The following XXYLT1 variants were observed in gnomAD, a reference collection of about 807,000 sequenced individuals.
XXYLT1 encodes the protein xyloside xylosyltransferase 1, also known as UDP-xylose:alpha-xyloside alpha-1,3-xylosyltransferase.
In XXYLT1, 20 loss-of-function variants were observed where a neutral mutation model predicts 28.9. The observed-to-expected ratio is 0.69, with a 90% CI of 0.49 to 1.00. The LOEUF (loss-of-function observed/expected upper bound fraction) is 1.00. Among genes scored for constraint, XXYLT1 ranks in the 50% least tolerant of loss-of-function variants. The pLI, the probability that XXYLT1 is intolerant of heterozygous loss-of-function variation, is 0.00. For synonymous variants in XXYLT1, 257 were observed against 253.8 expected (o/e 1.01, Z -0.12); for missense variants, 542 against 560.1 (o/e 0.97, Z 0.33).
chr3:195,141,283 C>T lies in XXYLT1; in HGVS notation c.785+15166G>A, dbSNP rs144043303. On this transcript the variant is annotated intron_variant, in intron 3 of 3. Coordinates refer to ENST00000310380, the MANE Select transcript of XXYLT1 (RefSeq NM_152531.5). ...AGCCAAATTCCAGTGCAAGAATAGTCCAACACTCCCCTTCCGGCTCTAACA... is the reference window on the plus strand; with the variant it reads ...AGCCAAATTCCAGTGCAAGAATAGTTCAACACTCCCCTTCCGGCTCTAACA... 3.8e-3 allele frequency among the ~76,000 whole-genome samples: 572 copies of T among 152,294 alleles called. 4 individuals are homozygous for T. Among genetic ancestry groups the T allele is most frequent in the African/African-American group, 0.013 (558 of 41,548 alleles).
chr3:195,097,574 T>C (rs1337649920), intron 3 of XXYLT1, among the ~76,000 whole-genome samples: 1 of 152,148 alleles, frequency 6.6e-6, no homozygotes, highest in African/African-American at 2.4e-5. Flanking sequence ...TTACAAGGGT[T>C]AAGGAATTGA....
intron 1 of XXYLT1, among the ~76,000 whole-genome samples, chr3:195,267,917 T>C (rs931448910): frequency 1.2e-4 from 18 of 152,130 alleles, no homozygotes; most frequent in Non-Finnish European, 2.1e-4. Context: ...AAGCAAACCT[T>C]TTAGAATCGC....
chr3:195,100,937 G>A (rs892240818), intron 3 of XXYLT1, among the ~76,000 whole-genome samples: 1 of 152,236 alleles, frequency 6.6e-6, no homozygotes, highest in African/African-American at 2.4e-5. Context: ...TTACTGAAGC[G>A]AACTAGTCTA....
intron 2 of XXYLT1, among the ~76,000 whole-genome samples, chr3:195,169,091 G>GT (rs1275587763): frequency 6.6e-6 from 1 of 152,260 alleles, no homozygotes; most frequent in Non-Finnish European, 1.5e-5. Context: ...GGCGAATGCA[G>GT]TAAGACGGTG....
At chr3:195,107,303 G>A (rs1717155369) in intron 3 of XXYLT1, among the ~76,000 whole-genome samples, 1 of 151,102 alleles carries the variant, frequency 6.6e-6, no homozygotes, top group African/African-American at 2.4e-5. Flanking sequence ...GCGAAACCTC[G>A]CCTCTACTAA....
chr3:195,270,913 G>C lies in XXYLT1; in HGVS notation c.146C>G (p.Ser49Cys). The change falls in exon 1 of 4, where the codon TCC becomes TGC. Residue 49 changes from serine to cysteine, a missense_variant. Physicochemically the swap from Ser to Cys is moderately radical, Grantham distance 112. Transcript: ENST00000310380. Reference protein sequence around the residue: ...YYLGSGRETFSSATKRLKEAR... With the variant: ...YYLGSGRETFCSATKRLKEAR... ...CTCCTTCAGCCTCTTGGTGGCGCTG[G>C]AGAAGGTCTCCCGGCCTGAGCCGAG... 2 of 1,482,584 alleles carry C rather than the reference G, an allele frequency of 1.3e-6. No homozygotes were observed. The highest frequency in any genetic ancestry group is 1.8e-6 in the Non-Finnish European group (2 of 1,118,610). The allele number at this position is 1,482,584 out of a possible 1,614,324, so 91.8% of individuals were successfully genotyped here.
chr3:195,229,532 C>T (rs965194635), intron 1 of XXYLT1, among the ~76,000 whole-genome samples: 1 of 152,210 alleles, frequency 6.6e-6, no homozygotes, highest in Admixed American at 6.5e-5. Flanking sequence ...CCTCCTCCCC[C>T]AACTCACTCC....
intron 1 of XXYLT1, among the ~76,000 whole-genome samples, chr3:195,252,360 A>C (rs1352598635): frequency 6.6e-6 from 1 of 152,196 alleles, no homozygotes; most frequent in Admixed American, 6.5e-5. Flanking sequence ...ATAGAGAAAA[A>C]TGTTAGCACC....
chr3:195,110,500 A>AT (rs1717577083), intron 3 of XXYLT1, among the ~76,000 whole-genome samples: 2 of 16,400 alleles, frequency 1.2e-4, no homozygotes, highest in African/African-American at 2.2e-4. Flanking sequence ...GTATGTGTGC[A>AT]TGGTGTGTGG....
rs552637822 is a variant in XXYLT1, at chr3:195,087,859, G to T, written c.786-17748C>A. Among the ~76,000 whole-genome samples, 832 of 152,040 alleles carry T rather than the reference G, an allele frequency of 5.5e-3. 5 individuals carry two copies. Among genetic ancestry groups the T allele is most frequent in the Non-Finnish European group, 8.1e-3 (548 of 68,010 alleles). On this transcript the variant is annotated intron_variant, in intron 3 of 3. Transcript: ENST00000310380. ...GCGAGCCGAAGCAGGGCGAGGCAAA[G>T]CCTCACTTGGGAAGCGCAAGGGGTC...
rs1724326382 is a variant in XXYLT1 at position 195,232,140 on chromosome 3, A to T, written c.505-5284T>A. ...GTTGTATGTGTCTAGAAACTTATCC[A>T]TTTCTTCTAGGTTTTCCAATTTATT... is the stretch of plus-strand genomic sequence containing the variant. On this transcript the variant is annotated intron_variant, in intron 1 of 3. Transcript: ENST00000310380. 2.0e-5 allele frequency among the ~76,000 whole-genome samples: 3 copies of T among 152,018 alleles called. No homozygotes were observed. The South Asian group carries it at 6.2e-4, about 31-fold the overall frequency.
At chr3:195,244,813 T>C (rs772361309) in intron 1 of XXYLT1, among the ~76,000 whole-genome samples, 7 of 140,012 alleles carry the variant, frequency 5.0e-5, no homozygotes, top group Non-Finnish European at 1.1e-4. Flanking sequence ...TTTTAAACTT[T>C]AGATCATTAT....
intron 3 of XXYLT1, among the ~76,000 whole-genome samples, chr3:195,121,145 C>T (rs994422721): frequency 6.6e-6 from 1 of 152,226 alleles, no homozygotes; most frequent in East Asian, 1.9e-4. Flanking sequence ...AATGCTGCAT[C>T]TACCAAAGCC....
chr3:195,147,876 C>T (rs890351083), intron 3 of XXYLT1: 1 of 152,252 alleles, frequency 6.6e-6, no homozygotes, highest in African/African-American at 2.4e-5. Context: ...TCAGGCACGA[C>T]GTGGTGAACT....
Position 195,134,860 on chromosome 3 carries a change from TGTGTGTGTGC to T in XXYLT1, c.785+21579_785+21588del, listed in dbSNP as rs752979160. 4.8e-4 allele frequency among the ~76,000 whole-genome samples: 54 copies of T among 113,652 alleles called. 1 individual carries two copies. The highest frequency in any genetic ancestry group is 1.3e-3 in the East Asian group (2 of 1,510). 74.6% of individuals were successfully genotyped at this position (113,652 alleles called of 152,430 possible). A position where few individuals can be genotyped will look rare whatever the true frequency, so the allele number is the denominator to read the frequency against. ...GTGTGTGTGTGTGTGTGTGTGTGTG[TGTGTGTGTGC>T]GTGTGCGCGCGTGCGCGCACGTGCA... On this transcript the variant is annotated intron_variant, in intron 3 of 3. Coordinates refer to ENST00000310380, the MANE Select transcript of XXYLT1 (RefSeq NM_152531.5).
At chr3:195,184,213 G>A (rs1213788451) in intron 2 of XXYLT1, among the ~76,000 whole-genome samples, 1 of 152,204 alleles carries the variant, frequency 6.6e-6, no homozygotes, top group African/African-American at 2.4e-5. Flanking sequence ...TTTATTAAGA[G>A]TGAGTTAATT....
At chr3:195,228,480 A>G (rs1398031017) in intron 1 of XXYLT1, among the ~76,000 whole-genome samples, 2 of 112,248 alleles carry the variant, frequency 1.8e-5, no homozygotes, top group South Asian at 5.6e-4. Context: ...TTTGGCCTAT[A>G]TTTCACTTTT....
intron 1 of XXYLT1, among the ~76,000 whole-genome samples, chr3:195,267,396 C>T (rs1725877950): frequency 6.6e-6 from 1 of 152,250 alleles, no homozygotes; most frequent in African/African-American, 2.4e-5. Context: ...CAGCACTGAC[C>T]TAGGATGCAG....
intron 2 of XXYLT1, among the ~76,000 whole-genome samples, chr3:195,170,141 C>T (rs937562882): frequency 3.9e-5 from 6 of 152,010 alleles, no homozygotes; most frequent in Non-Finnish European, 5.9e-5. Context: ...TGAGCCACCA[C>T]GCCTGGCCGT....
Sources: gnomAD v4.1 joint callset for allele counts (sites outside exome capture counted in the v4.1 genomes callset) on GRCh38, gnomAD v4.1.1 for gene constraint, MANE v1.5 for transcripts, NCBI Gene and HGNC (gene_info 2026-07-23, HGNC 2026-07-21) for gene names.